TCF7L2: variants seen among roughly 807,000 people sequenced by gnomAD.
TCF7L2 encodes the protein transcription factor 7-like 2.
TCF7L2 carries 23 observed loss-of-function variants against 77.9 expected under a neutral mutation model. The observed-to-expected ratio is 0.30, with a 90% CI of 0.21 to 0.42. TCF7L2 has a LOEUF of 0.42. Among genes scored for constraint, TCF7L2 ranks in the 10% least tolerant of loss-of-function variants. The pLI is 1.00. For synonymous variants in TCF7L2, 413 were observed against 340.2 expected (o/e 1.21, Z -2.36); for missense variants, 654 against 793.1 (o/e 0.82, Z 2.11).
intron 5 of TCF7L2, among the ~76,000 whole-genome samples, chr10:113,131,765 C>T (rs1020541781): frequency 6.6e-6 from 1 of 152,192 alleles, no homozygotes; most frequent in African/African-American, 2.4e-5. Context: ...TGTTGGGGAC[C>T]TGGCTGAGCT....
At chr10:113,080,467 C>T in intron 5 of TCF7L2, among the ~76,000 whole-genome samples, 1 of 151,968 alleles carries the variant, frequency 6.6e-6, no homozygotes, top group East Asian at 1.9e-4. Context: ...AGTATTGGAA[C>T]CAAGGTTGCC....
intron 4 of TCF7L2, among the ~76,000 whole-genome samples, chr10:113,016,853 C>T (rs138780984): frequency 6.6e-6 from 1 of 152,274 alleles, no homozygotes; most frequent in East Asian, 1.9e-4. Context: ...CCACCAGATC[C>T]TGACAGCATC....
intron 13 of TCF7L2, among the ~76,000 whole-genome samples, chr10:113,161,960 G>C (rs2137514137): frequency 6.6e-6 from 1 of 152,346 alleles, no homozygotes; most frequent in East Asian, 1.9e-4. Context: ...TGAGATGGTA[G>C]TGTTCACAGC....
At chr10:112,952,944 C>T (rs2032327405) in intron 3 of TCF7L2, among the ~76,000 whole-genome samples, 1 of 151,942 alleles carries the variant, frequency 6.6e-6, no homozygotes, top group Non-Finnish European at 1.5e-5. Flanking sequence ...CCCGGCTTCC[C>T]GGTATTGTCA....
intron 5 of TCF7L2, chr10:113,126,719 G>T (rs1425589873): frequency 1.0e-5 from 10 of 985,754 alleles, no homozygotes; most frequent in Admixed American, 6.2e-5. Context: ...GGTGTGTGCT[G>T]CTCCCCTGTG....
At chr10:113,115,874 C>T (rs559606791) in intron 5 of TCF7L2, among the ~76,000 whole-genome samples, 1 of 152,118 alleles carries the variant, frequency 6.6e-6, no homozygotes, top group Non-Finnish European at 1.5e-5. Flanking sequence ...AGCACCCTTC[C>T]CCCTTAAACA....
Position 113,118,663 on chromosome 10 carries a change from T to C in TCF7L2, c.553-22521T>C, listed in dbSNP as rs916697855. Among the ~76,000 whole-genome samples, 20 of 20,416 alleles carry C rather than the reference T, an allele frequency of 9.8e-4. No individual in the cohort carries two copies. The South Asian group carries it at 0.016, about 16-fold the overall frequency. The allele number at this position is 20,416 out of a possible 152,430, so 13.4% of individuals were successfully genotyped here. ...GGGAAGTTTTTTTTTTGTTTTTTTT[T>C]GTTTTTTTTTTTTTGTTTTTTTTAT... On this transcript the variant is annotated intron_variant, in intron 5 of 13. Coordinates refer to ENST00000627217, the MANE Select transcript of TCF7L2 (RefSeq NM_001146274.2).
chr10:113,080,110 A>G (rs527454690), intron 5 of TCF7L2, among the ~76,000 whole-genome samples: 1 of 152,048 alleles, frequency 6.6e-6, no homozygotes, highest in African/African-American at 2.4e-5. Flanking sequence ...ACATGCACAC[A>G]CAATTTAGGG....
rs1358976490 is a variant in TCF7L2, at chr10:113,165,917, C to G, written c.1754C>G (p.Ser585Cys). Residue 585 changes from serine to cysteine, a missense_variant, in exon 14 of 14, where the codon TCC becomes TGC. By Grantham distance (112) the Ser-to-Cys change is moderately radical. Transcript: ENST00000627217. ...ACTTCTTCCTTACATTCCCACAGCT[C>G]CCTGGCCGGGACCCAGCCCCAGCCG... is the stretch of plus-strand genomic sequence containing the variant. 41 of 1,580,714 alleles carry G rather than the reference C, an allele frequency of 2.6e-5. No homozygotes were observed. Among genetic ancestry groups the G allele is most frequent in the Non-Finnish European group, 3.3e-5 (38 of 1,161,170 alleles).
chr10:113,038,770 C>T (rs551737032), intron 4 of TCF7L2, among the ~76,000 whole-genome samples: 7 of 152,030 alleles, frequency 4.6e-5, no homozygotes, highest in Non-Finnish European at 7.4e-5. Flanking sequence ...CTTGATTTAC[C>T]TGTGTCTGTA....
At chr10:113,090,854 C>T (rs865971216) in intron 5 of TCF7L2, among the ~76,000 whole-genome samples, 19 of 152,270 alleles carry the variant, frequency 1.2e-4, no homozygotes, top group South Asian at 2.1e-4. Context: ...GTGATCCGCC[C>T]GCCTCGGCCT....
At chr10:113,122,870 AGT>A (rs1313068538) in intron 5 of TCF7L2, among the ~76,000 whole-genome samples, 1 of 152,210 alleles carries the variant, frequency 6.6e-6, no homozygotes, top group East Asian at 1.9e-4. Flanking sequence ...AGGGAAGAGA[AGT>A]GTAGAAACCA....
At position 113,165,650 on chromosome 10, in the gene TCF7L2, C is replaced by G. The variant is rs202133956; in HGVS notation, c.1487C>G (p.Ser496Cys). 6.2e-7 allele frequency: 1 copy of G among 1,612,244 alleles called. No homozygotes were observed. The highest frequency in any genetic ancestry group is 1.7e-5 in the Admixed American group (1 of 59,766). The change falls in exon 14 of 14, where the codon TCC becomes TGC. Residue 496 changes from serine to cysteine, a missense_variant. Around this residue, in one of 6 missense-constraint regions of TCF7L2, gnomAD observed 272 missense variants for 215.4 expected, o/e 1.26. Coordinates refer to ENST00000627217, the MANE Select transcript of TCF7L2 (RefSeq NM_001146274.2). ...AGCTTACTAGATTCGCCTCCCCCCTCCCCGAACCTGCTAGGCTCCCCTCCC... is the reference window on the plus strand; with the variant it reads ...AGCTTACTAGATTCGCCTCCCCCCTGCCCGAACCTGCTAGGCTCCCCTCCC...
At chr10:113,126,870 C>G (rs1273000437) in intron 5 of TCF7L2, 1 of 986,402 alleles carries the variant, frequency 1.0e-6, no homozygotes, top group Non-Finnish European at 1.2e-6. Context: ...GCGCCGCAAC[C>G]CTCTCTAGAT....
chr10:113,075,306 A>G (rs1348454135), intron 5 of TCF7L2, among the ~76,000 whole-genome samples: 1 of 152,096 alleles, frequency 6.6e-6, no homozygotes, highest in African/African-American at 2.4e-5. Context: ...TAAAAATACA[A>G]AAATTAGCCG....
At chr10:113,077,595 A>C (rs1286715306) in intron 5 of TCF7L2, among the ~76,000 whole-genome samples, 1 of 152,126 alleles carries the variant, frequency 6.6e-6, no homozygotes, top group Non-Finnish European at 1.5e-5. Flanking sequence ...TGAAGTCATA[A>C]AATTTGTGGT....
chr10:113,130,100 T>C (rs1466682963), intron 5 of TCF7L2: 1 of 855,220 alleles, frequency 1.2e-6, no homozygotes, highest in African/African-American at 1.9e-5. Context: ...ATTTAGATCA[T>C]GGGAAGGAAA....
chr10:113,016,515 A>G (rs552091930), intron 4 of TCF7L2, among the ~76,000 whole-genome samples: 2 of 152,084 alleles, frequency 1.3e-5, no homozygotes, highest in African/African-American at 2.4e-5. Context: ...TGTAGGTCTC[A>G]AGTGTGTGTA....
chr10:113,039,919 G>A (rs756981742), intron 4 of TCF7L2, 106 bp from the exon 5 acceptor site: 5 of 914,158 alleles, frequency 5.5e-6, no homozygotes, highest in African/African-American at 3.3e-5. Context: ...ATGCTTGTAT[G>A]TTTTTCAGTT....
Sources: gnomAD v4.1 joint callset for allele counts (sites outside exome capture counted in the v4.1 genomes callset) on GRCh38, gnomAD v4.1.1 for gene constraint, gnomAD v4.1.1 regional missense constraint, MANE v1.5 for transcripts, NCBI Gene and HGNC (gene_info 2026-07-23, HGNC 2026-07-21) for gene names.